GPC5: variants seen among roughly 807,000 people sequenced by gnomAD.
GPC5 encodes glypican-5.
A neutral mutation model predicts 53.9 loss-of-function variants in GPC5; 47 were observed. The observed-to-expected ratio is 0.87, with a 90% CI of 0.69 to 1.11. The LOEUF (loss-of-function observed/expected upper bound fraction) is 1.11. Ranked by LOEUF, GPC5 falls within the 50% of genes most tolerant of loss-of-function variation. The probability of loss-of-function intolerance (pLI) is 0.00; values close to 1 mark genes in which losing one functional copy is unlikely to be tolerated. For missense variants in GPC5, 748 were observed against 713.1 expected, an observed-to-expected ratio of 1.05 and a Z score of -0.56; for synonymous variants, 286 against 263.3, an observed-to-expected ratio of 1.09 and a Z score of -0.84.
In GPC5 at chr13:91,676,805, CT is replaced by C. The variant is rs2035394473; in HGVS notation, c.326-16378del. ...AGCTTTAAGTTTCATCCAGAGAATGCTTTTGATAAGAAGCTGTTGTTGGGTA... is the reference window on the plus strand; with the variant it reads ...AGCTTTAAGTTTCATCCAGAGAATGCTTTGATAAGAAGCTGTTGTTGGGTA... On this transcript the variant is annotated intron_variant, in intron 2 of 7. Coordinates refer to ENST00000377067, the MANE Select transcript of GPC5 (RefSeq NM_004466.6). 3.3e-5 allele frequency among the ~76,000 whole-genome samples: 5 copies of C among 152,244 alleles called. 1 individual carries two copies. The South Asian group carries it at 8.3e-4, about 25-fold the overall frequency.
At chr13:92,239,014 G>T (rs969669116) in intron 7 of GPC5, among the ~76,000 whole-genome samples, 2 of 150,736 alleles carry the variant, frequency 1.3e-5, no homozygotes, top group Non-Finnish European at 1.5e-5. Flanking sequence ...TTTTTTCATG[G>T]AATTATCTTA....
chr13:92,369,288 A>G (rs2043631591), intron 7 of GPC5, among the ~76,000 whole-genome samples: 2 of 152,268 alleles, frequency 1.3e-5, no homozygotes, highest in South Asian at 2.1e-4. Flanking sequence ...GTTTCAAACA[A>G]TTCTCATGCA....
chr13:91,736,561 T>A (rs1027084178), intron 4 of GPC5, among the ~76,000 whole-genome samples: 1 of 151,178 alleles, frequency 6.6e-6, no homozygotes, highest in African/African-American at 2.5e-5. Flanking sequence ...CTTGTTTGGA[T>A]TTCCTACTAT....
chr13:91,410,982 G>A (rs1877729827), intron 1 of GPC5, among the ~76,000 whole-genome samples: 1 of 152,050 alleles, frequency 6.6e-6, no homozygotes, highest in African/African-American at 2.4e-5. Flanking sequence ...AGTGGCACGT[G>A]CCTGTGATCC....
rs564352676 is a variant in GPC5 at position 92,006,918 on chromosome 13, A to G, written c.1401+98861A>G. ...TTTTATTATAAAGTACATTTTTGTA[A>G]TGTTGTAGCATACATAGTTGTGGAT... On this transcript the variant is annotated intron_variant, in intron 6 of 7. Transcript: ENST00000377067. 6.0e-5 allele frequency among the ~76,000 whole-genome samples: 9 copies of G among 150,518 alleles called. No homozygotes were observed. The South Asian group carries it at 1.7e-3, about 28-fold the overall frequency.
At chr13:92,572,050 A>T (rs945340223) in intron 7 of GPC5, among the ~76,000 whole-genome samples, 13 of 152,170 alleles carry the variant, frequency 8.5e-5, no homozygotes, top group African/African-American at 3.1e-4. Context: ...AAGAAAAAAA[A>T]GTAAGCTGTT....
At chr13:92,068,734 A>T (rs1269968679) in intron 6 of GPC5, among the ~76,000 whole-genome samples, 3 of 150,760 alleles carry the variant, frequency 2.0e-5, no homozygotes, top group Admixed American at 2.0e-4. Flanking sequence ...AATTACAATA[A>T]TTGATTTTGT....
intron 7 of GPC5, among the ~76,000 whole-genome samples, chr13:92,509,317 T>C (rs1013277906): frequency 3.3e-5 from 5 of 152,142 alleles, no homozygotes; most frequent in African/African-American, 1.2e-4. Context: ...TCTCTGACCC[T>C]TTAAGCATCA....
At chr13:92,829,196 A>G (rs548198106) in intron 7 of GPC5, among the ~76,000 whole-genome samples, 2 of 152,304 alleles carry the variant, frequency 1.3e-5, no homozygotes, top group East Asian at 1.9e-4. Context: ...AGAAGACTCA[A>G]AGAGAATTGT....
At chr13:92,070,860 T>C (rs531544663) in intron 6 of GPC5, among the ~76,000 whole-genome samples, 1 of 152,318 alleles carries the variant, frequency 6.6e-6, no homozygotes, top group East Asian at 1.9e-4. Flanking sequence ...GTTTAGTTTA[T>C]CACATATCTT....
At chr13:92,370,627 G>GA (rs1231700359) in intron 7 of GPC5, among the ~76,000 whole-genome samples, 11 of 152,058 alleles carry the variant, frequency 7.2e-5, no homozygotes, top group Admixed American at 7.2e-4. Context: ...ATATATGATT[G>GA]AAAAAATAGT....
chr13:92,049,047 A>G (rs2041006406), intron 6 of GPC5, among the ~76,000 whole-genome samples: 2 of 152,320 alleles, frequency 1.3e-5, no homozygotes, highest in South Asian at 4.1e-4. Context: ...ATGGATTTTA[A>G]GTAAATTTGG....
chr13:91,894,765 A>C (rs935163479), intron 5 of GPC5, among the ~76,000 whole-genome samples: 5 of 152,172 alleles, frequency 3.3e-5, no homozygotes, highest in African/African-American at 1.2e-4. Flanking sequence ...CATCACTAAT[A>C]AAATGAAACC....
At chr13:92,370,051 TTC>T (rs1306439856) in intron 7 of GPC5, among the ~76,000 whole-genome samples, 1 of 152,186 alleles carries the variant, frequency 6.6e-6, no homozygotes, top group East Asian at 1.9e-4. Context: ...AAAACCATCT[TTC>T]AAGTCAAGGC....
intron 7 of GPC5, among the ~76,000 whole-genome samples, chr13:92,654,708 T>C (rs1353133657): frequency 1.3e-5 from 2 of 152,074 alleles, no homozygotes; most frequent in African/African-American, 2.4e-5. Context: ...AAAAATAGTT[T>C]TGTAATTTTA....
At chr13:91,887,134 A>G (rs2039331892) in intron 5 of GPC5, among the ~76,000 whole-genome samples, 1 of 152,140 alleles carries the variant, frequency 6.6e-6, no homozygotes, top group South Asian at 2.1e-4. Context: ...ATCTAGGTGG[A>G]GGTCCCCAAA....
At chr13:92,045,886 T>C (rs1566410574) in intron 6 of GPC5, among the ~76,000 whole-genome samples, 1 of 152,118 alleles carries the variant, frequency 6.6e-6, no homozygotes, top group Non-Finnish European at 1.5e-5. Context: ...ATTTGCCTCA[T>C]TCCAGAGGCT....
At chr13:92,498,640 G>A (rs553588865) in intron 7 of GPC5, among the ~76,000 whole-genome samples, 1 of 152,258 alleles carries the variant, frequency 6.6e-6, no homozygotes, top group South Asian at 2.1e-4. Flanking sequence ...AGGGCAGAGG[G>A]TGGGAGACTC....
At chr13:91,671,178 A>AT (rs1020624495) in intron 2 of GPC5, among the ~76,000 whole-genome samples, 13 of 152,118 alleles carry the variant, frequency 8.5e-5, no homozygotes, top group African/African-American at 2.9e-4. Context: ...AAGCGTAAGG[A>AT]TTTTTTTCAT....
Sources: gnomAD v4.1 joint callset for allele counts (sites outside exome capture counted in the v4.1 genomes callset) on GRCh38, gnomAD v4.1.1 for gene constraint, MANE v1.5 for transcripts, NCBI Gene and HGNC (gene_info 2026-07-23, HGNC 2026-07-21) for gene names.